The following DSC3 variants were observed in gnomAD, a reference collection of about 807,000 sequenced individuals.
The protein encoded by DSC3 is desmocollin-3.
DSC3 carries 97 observed loss-of-function variants against 89.5 expected under a neutral mutation model. The observed-to-expected ratio is 1.08, with a 90% CI of 0.92 to 1.28. The LOEUF (loss-of-function observed/expected upper bound fraction) is 1.28. Ranked by LOEUF, DSC3 falls within the 50% of genes most tolerant of loss-of-function variation. The probability of loss-of-function intolerance (pLI) is 0.00; values close to 1 mark genes in which losing one functional copy is unlikely to be tolerated. For synonymous variants in DSC3, 436 were observed against 384.1 expected, an observed-to-expected ratio of 1.14 and a Z score of -1.58; for missense variants, 1,199 against 1,085.3, an observed-to-expected ratio of 1.10 and a Z score of -1.47.
At chr18:31,040,678 C>T (rs1343331590) in intron 1 of DSC3, among the ~76,000 whole-genome samples, 5 of 152,132 alleles carry the variant, frequency 3.3e-5, no homozygotes, top group African/African-American at 1.2e-4. Flanking sequence ...TAAAGACTTG[C>T]TTTGAAAAGC....
chr18:31,042,405 ACCCGC>A (rs1986162735), intron 1 of DSC3, among the ~76,000 whole-genome samples, 182 bp downstream of exon 1: 1 of 152,146 alleles, frequency 6.6e-6, no homozygotes, highest in South Asian at 2.1e-4. Context: ...TCCAGAGTCG[ACCCGC>A]AAACACACGT....
At chr18:31,042,097 C>CCAG (rs1221420480) in intron 1 of DSC3, among the ~76,000 whole-genome samples, 1 of 152,054 alleles carries the variant, frequency 6.6e-6, no homozygotes, top group Non-Finnish European at 1.5e-5. Context: ...ACCAAGGGAC[C>CCAG]CAGGGACACA....
rs959926466 is a variant in DSC3 at position 30,992,908 on chromosome 18, G to C, written c.*1267C>G. 6.6e-6 allele frequency: 1 copy of C among 152,218 alleles called. No individual in the cohort carries two copies. The highest frequency in any genetic ancestry group is 6.5e-5 in the Admixed American group (1 of 15,276). The allele number at this position is 152,218 out of a possible 1,614,324, so 9.4% of individuals were successfully genotyped here. A position where few individuals can be genotyped will look rare whatever the true frequency, so the allele number is the denominator to read the frequency against. On this transcript the variant is annotated 3_prime_UTR_variant, in exon 16 of 16. Coordinates refer to ENST00000360428, the MANE Select transcript of DSC3 (RefSeq NM_001941.5). ...ACAAGGCCTGGCTTTCCTTGATTCAGGCCAATGCCACTCAGAAGAAGGGCA... is the reference window on the plus strand; with the variant it reads ...ACAAGGCCTGGCTTTCCTTGATTCACGCCAATGCCACTCAGAAGAAGGGCA...
intron 9 of DSC3, among the ~76,000 whole-genome samples, chr18:31,010,154 G>A (rs1237865869): frequency 2.6e-5 from 4 of 152,086 alleles, no homozygotes; most frequent in African/African-American, 9.7e-5. Context: ...TTAGTATCAC[G>A]AGTCCACTAA....
At chr18:31,013,334 GGATA>G (rs74277375) in intron 9 of DSC3, among the ~76,000 whole-genome samples, 1 of 151,284 alleles carries the variant, frequency 6.6e-6, no homozygotes, top group Non-Finnish European at 1.5e-5. Flanking sequence ...AAATTTAACT[GGATA>G]GATAATTAAA....
At chr18:31,030,676 G>A (rs1449497275) in intron 3 of DSC3, among the ~76,000 whole-genome samples, 3 of 151,762 alleles carry the variant, frequency 2.0e-5, no homozygotes, top group African/African-American at 4.8e-5. Context: ...AAAATAGAGT[G>A]AGAGGTAGAG....
In DSC3 at chr18:31,001,724, A is replaced by C. The variant is rs137852782; in HGVS notation, c.2129T>G (p.Leu710Ter). 2.5e-6 allele frequency: 4 copies of C among 1,605,202 alleles called. No individual in the cohort carries two copies. The South Asian group carries it at 4.5e-5, about 18-fold the overall frequency. ...IALLFSVLLT[L>*]VCGVFGATKG... ...AGTTGCACCAAAAACTCCACATACT[A>C]AAGTTAGCAATACAGCTGAATTTAA... Residue 710 changes from leucine to a stop codon, truncating the protein, a stop_gained, in exon 14 of 16, where the codon TTA (leucine) becomes TGA (stop). Coordinates refer to ENST00000360428, the MANE Select transcript of DSC3 (RefSeq NM_001941.5). LOFTEE classifies it high-confidence loss of function.
intron 1 of DSC3, among the ~76,000 whole-genome samples, chr18:31,033,855 G>C (rs175777): frequency 2.0e-4 from 31 of 151,740 alleles, no homozygotes; most frequent in African/African-American, 7.0e-4. Context: ...ACAGAGTCTC[G>C]CTCTGTCGCC....
chr18:31,033,869 T>G (rs1169607836), intron 1 of DSC3, among the ~76,000 whole-genome samples: 4 of 152,126 alleles, frequency 2.6e-5, no homozygotes, highest in Non-Finnish European at 5.9e-5. Flanking sequence ...TGTCGCCCAG[T>G]CTGGAGTGCA....
At chr18:31,012,449 G>A (rs1461855722) in intron 9 of DSC3, among the ~76,000 whole-genome samples, 1 of 152,178 alleles carries the variant, frequency 6.6e-6, no homozygotes, top group Non-Finnish European at 1.5e-5. Flanking sequence ...CCACCAGAGA[G>A]ATCTGGGTTT....
chr18:31,016,495 C>T (rs1417152152), intron 9 of DSC3, among the ~76,000 whole-genome samples: 1 of 152,168 alleles, frequency 6.6e-6, no homozygotes, highest in African/African-American at 2.4e-5. Context: ...CCTGTACTAC[C>T]TAAGTGTTCA....
rs1400883394 is a variant in DSC3, at chr18:31,001,118, A to G, written c.2235+500T>C. ...ATATATATATATATATATATACTTTACACAAAACAAGAAGCATAAAAGCAC... is the reference window on the plus strand; with the variant it reads ...ATATATATATATATATATATACTTTGCACAAAACAAGAAGCATAAAAGCAC... On this transcript the variant is annotated intron_variant, in intron 14 of 15. Transcript: ENST00000360428. Among the ~76,000 whole-genome samples, 9 of 100,560 alleles carry G rather than the reference A, an allele frequency of 8.9e-5. No individual in the cohort carries two copies. The East Asian group carries it at 4.9e-3, about 54-fold the overall frequency. The allele number at this position is 100,560 out of a possible 152,430, so 66.0% of individuals were successfully genotyped here.
At chr18:31,028,631 TAC>T (rs1250397878) in intron 4 of DSC3, among the ~76,000 whole-genome samples, 1 of 152,066 alleles carries the variant, frequency 6.6e-6, no homozygotes, top group Non-Finnish European at 1.5e-5. Context: ...GTACACAGGT[TAC>T]ACCATTAGTA....
chr18:31,008,401 C>T lies in DSC3; in HGVS notation c.1388G>A (p.Arg463Lys). The part of the protein sequence containing the change: ...LNRALVTVHV[R>K]DLDEGPECTP... Reference sequence around the variant, plus strand: ...GCATTCAGGCCCCTCATCCAGATCCCTCACATGAACTGTAACCAAGGCTCT... The same window carrying T: ...GCATTCAGGCCCCTCATCCAGATCCTTCACATGAACTGTAACCAAGGCTCT... Residue 463 changes from arginine to lysine, a missense_variant, in exon 10 of 16, where the codon AGG becomes AAG. Physicochemically the swap from Arg to Lys is conservative, Grantham distance 26 (BLOSUM62 2). Transcript: ENST00000360428. The T allele has an allele frequency of 2.5e-6, 4 of 1,614,148 alleles. No homozygotes were observed. The highest frequency in any genetic ancestry group is 3.4e-6 in the Non-Finnish European group (4 of 1,180,022).
At chr18:31,011,623 C>T (rs780530540) in intron 9 of DSC3, among the ~76,000 whole-genome samples, 1 of 152,100 alleles carries the variant, frequency 6.6e-6, no homozygotes, top group South Asian at 2.1e-4. Flanking sequence ...GCCTACATGA[C>T]AGAAACATGG....
At chr18:31,029,177 C>A (rs1458189008) in intron 4 of DSC3, among the ~76,000 whole-genome samples, 1 of 152,186 alleles carries the variant, frequency 6.6e-6, no homozygotes, top group East Asian at 1.9e-4. Flanking sequence ...GTCTCCTTCA[C>A]GAGGCCAATA....
chr18:31,032,544 TTCTGTGTGTA>T (rs1567961569), intron 1 of DSC3, among the ~76,000 whole-genome samples: 6 of 142,340 alleles, frequency 4.2e-5, no homozygotes, highest in African/African-American at 1.6e-4. Flanking sequence ...CTCTAACTGC[TTCTGTGTGTA>T]TGTGTGTGTG....
At chr18:31,001,588 C>G (rs186776125) in intron 14 of DSC3, 30 bp downstream of exon 14, 4 of 1,603,822 alleles carry the variant, frequency 2.5e-6, no homozygotes, top group Non-Finnish European at 3.4e-6. Context: ...ATCGGAGATA[C>G]AAATACATAT....
intron 9 of DSC3, among the ~76,000 whole-genome samples, chr18:31,010,609 T>C (rs1298494032): frequency 6.6e-6 from 1 of 152,200 alleles, no homozygotes; most frequent in Non-Finnish European, 1.5e-5. Flanking sequence ...CACCTCAGGG[T>C]ACGTTTTTGT....
Sources: allele counts gnomAD v4.1 joint callset (sites outside exome capture counted in the v4.1 genomes callset), GRCh38; gene constraint gnomAD v4.1.1; transcripts MANE v1.5; gene names NCBI Gene and HGNC (gene_info 2026-07-23, HGNC 2026-07-21).